ATP6V1C2: variants seen among roughly 807,000 people sequenced by gnomAD.
ATP6V1C2 encodes V-type proton ATPase subunit C 2.
In ATP6V1C2, 45 loss-of-function variants were observed where a neutral mutation model predicts 56.8. The ratio of observed to expected loss-of-function variants is 0.79; its 90% CI spans 0.62 to 1.02. The LOEUF (loss-of-function observed/expected upper bound fraction) is 1.02, where lower values mean the gene tolerates loss of function less well. Among genes scored for constraint, ATP6V1C2 ranks in the 50% least tolerant of loss-of-function variants. ATP6V1C2 has a pLI of 0.00. For synonymous variants in ATP6V1C2, 220 were observed against 201.3 expected, an observed-to-expected ratio of 1.09 and a Z score of -0.79; for missense variants, 463 against 519.7, an observed-to-expected ratio of 0.89 and a Z score of 1.06.
intron 3 of ATP6V1C2, among the ~76,000 whole-genome samples, chr2:10,732,359 A>G (rs553139537): frequency 1.2e-4 from 18 of 152,104 alleles, no homozygotes; most frequent in African/African-American, 4.3e-4. Flanking sequence ...CCCGGGTTCA[A>G]GTGATTCTCC....
At chr2:10,746,579 G>A (rs28688451) in intron 3 of ATP6V1C2, among the ~76,000 whole-genome samples, 2 of 151,760 alleles carry the variant, frequency 1.3e-5, no homozygotes, top group African/African-American at 2.4e-5. Flanking sequence ...CGCCAGGCTA[G>A]TTTCTGTATT....
rs752408003 is a variant in ATP6V1C2, at chr2:10,784,375, T to C, written c.*1112T>C. On this transcript the variant is annotated 3_prime_UTR_variant, in exon 14 of 14. Coordinates refer to ENST00000272238, the MANE Select transcript of ATP6V1C2 (RefSeq NM_001039362.2). ...GTTAGATCTGCAGAAGGGGACACCC[T>C]GGAAGGTCAACATCTCATTTTATGG... 1.9e-5 allele frequency: 28 copies of C among 1,469,172 alleles called. No individual in the cohort carries two copies. The South Asian group carries it at 3.1e-4, about 16-fold the overall frequency. The allele number at this position is 1,469,172 out of a possible 1,614,324, so 91.0% of individuals were successfully genotyped here.
chr2:10,765,366 C>T (rs1297412778), intron 5 of ATP6V1C2, among the ~76,000 whole-genome samples: 6 of 152,336 alleles, frequency 3.9e-5, no homozygotes, highest in Non-Finnish European at 4.4e-5. Context: ...CCTGGCCCTC[C>T]CTTCTGCCAC....
chr2:10,758,561 C>T (rs1363685226), intron 4 of ATP6V1C2, among the ~76,000 whole-genome samples: 1 of 152,124 alleles, frequency 6.6e-6, no homozygotes, highest in East Asian at 1.9e-4. Context: ...ATAGCCACCA[C>T]ACGCCAGCCT....
chr2:10,728,040 AAT>A (rs1661745037), intron 3 of ATP6V1C2, among the ~76,000 whole-genome samples: 11 of 152,298 alleles, frequency 7.2e-5, no homozygotes, highest in Admixed American at 5.9e-4. Flanking sequence ...TGCACAAATA[AAT>A]ATGTCTTAAA....
chr2:10,757,316 G>A (rs563602998), intron 4 of ATP6V1C2: 24 of 394,398 alleles, frequency 6.1e-5, no homozygotes, highest in Middle Eastern at 6.4e-4. Context: ...CCCGGCCAGA[G>A]GAGACTTTAT....
chr2:10,749,201 T>A (rs546074169), intron 3 of ATP6V1C2, among the ~76,000 whole-genome samples: 171 of 150,612 alleles, frequency 1.1e-3, no homozygotes, highest in Non-Finnish European at 1.6e-3. Flanking sequence ...ACAAATAAAA[T>A]TTTTTAAAAG....
At chr2:10,739,863 G>T (rs1662449715) in intron 3 of ATP6V1C2, among the ~76,000 whole-genome samples, 1 of 152,114 alleles carries the variant, frequency 6.6e-6, no homozygotes, top group Non-Finnish European at 1.5e-5. Flanking sequence ...AGTTTAGGAG[G>T]CCGAGGCGGG....
At chr2:10,782,829 C>CAAAAAAAAAAAAA (rs60533807) in intron 13 of ATP6V1C2, among the ~76,000 whole-genome samples, 1 of 52,224 alleles carries the variant, frequency 1.9e-5, no homozygotes, top group African/African-American at 6.3e-5. Context: ...GACTCTGTCT[C>CAAAAAAAAAAAAA]AAAAAAAAAA....
intron 3 of ATP6V1C2, among the ~76,000 whole-genome samples, chr2:10,744,737 C>T (rs191325787): frequency 2.8e-5 from 4 of 144,034 alleles, no homozygotes; most frequent in South Asian, 4.4e-4. Flanking sequence ...GGCGTGATCT[C>T]GGCTCACTGC....
intron 3 of ATP6V1C2, among the ~76,000 whole-genome samples, chr2:10,732,383 CA>C (rs1169968272): frequency 6.6e-6 from 1 of 152,006 alleles, no homozygotes; most frequent in African/African-American, 2.4e-5. Flanking sequence ...CTCAGCCTTC[CA>C]AATAGCTGGA....
At position 10,778,648 on chromosome 2, in the gene ATP6V1C2, T is replaced by C. The variant is rs551307013; in HGVS notation, c.1040T>C (p.Val347Ala). Residue 347 changes from valine (V) to alanine (A), a missense_variant, in exon 12 of 14, where the codon GTG becomes GCG. Val to Ala is a moderately conservative substitution (Grantham distance 64). Coordinates refer to ENST00000272238, the MANE Select transcript of ATP6V1C2 (RefSeq NM_001039362.2). ...TGGATCCACATCAAGGCCCTGAGAG[T>C]GTTTGTGGAGTCCGTGCTCAGGTGC... The part of the protein sequence containing the change: ...IAWIHIKALR[V>A]FVESVLRYGL... 6.2e-7 allele frequency: 1 copy of C among 1,613,966 alleles called. No homozygotes were observed. Among genetic ancestry groups the C allele is most frequent in the South Asian group, 1.1e-5 (1 of 91,068 alleles).
intron 3 of ATP6V1C2, among the ~76,000 whole-genome samples, chr2:10,734,697 A>G (rs1371485443): frequency 6.6e-6 from 1 of 152,160 alleles, no homozygotes; most frequent in African/African-American, 2.4e-5. Flanking sequence ...GTCTGGGTCC[A>G]TCTGCCCTGG....
chr2:10,778,975 C>A (rs912592444), intron 12 of ATP6V1C2, among the ~76,000 whole-genome samples: 2 of 152,200 alleles, frequency 1.3e-5, no homozygotes, highest in African/African-American at 4.8e-5. Context: ...CCTCGTGAAG[C>A]CCGCAGGGCC....
intron 2 of ATP6V1C2, 148 bp downstream of exon 2, chr2:10,723,126 G>C: frequency 1.1e-6 from 1 of 924,970 alleles, no homozygotes. Flanking sequence ...AGGATGGACG[G>C]GGAGGTGATG....
intron 3 of ATP6V1C2, among the ~76,000 whole-genome samples, chr2:10,743,116 G>C (rs1662658434): frequency 6.6e-6 from 1 of 152,086 alleles, no homozygotes; most frequent in Non-Finnish European, 1.5e-5. Context: ...GAATTACCAT[G>C]ATTGACTTTT....
rs1207206580 is a variant in ATP6V1C2 at position 10,722,888 on chromosome 2, G to A, written c.39G>A (p.Lys13=). The change falls in exon 2 of 14, where the codon AAG becomes AAA. Residue 13 remains lysine, a synonymous_variant. Coordinates refer to ENST00000272238, the MANE Select transcript of ATP6V1C2 (RefSeq NM_001039362.2). ...GGTTAATTTCTGCCCCTGGCGATAA[G>A]GAAAATTTGCAAGCTCTGGAGAGGA... ...EFWLISAPGD[K]ENLQALERMN... is the part of the protein sequence containing the mutation. 6.2e-7 allele frequency: 1 copy of A among 1,614,126 alleles called. No individual in the cohort carries two copies. The highest frequency in any genetic ancestry group is 2.2e-5 in the East Asian group (1 of 44,872).
chr2:10,754,130 C>T, intron 4 of ATP6V1C2, 64 bp downstream of exon 4: 4 of 1,399,844 alleles, frequency 2.9e-6, no homozygotes, highest in Admixed American at 2.0e-5. Flanking sequence ...CAGAGTCGTC[C>T]TTGCTGTGGC....
In ATP6V1C2 at chr2:10,723,631, G is replaced by A. The variant is rs572309579; in HGVS notation, c.129+653G>A. On this transcript the variant is annotated intron_variant, in intron 2 of 13. Coordinates refer to ENST00000272238, the MANE Select transcript of ATP6V1C2 (RefSeq NM_001039362.2). ...AGGTGGGTGGATCATGAGGTCAGGA[G>A]ATCGAGACCATCCTGGCTAACACGG... Among the ~76,000 whole-genome samples, 3 of 151,908 alleles carry A rather than the reference G, an allele frequency of 2.0e-5. No individual in the cohort carries two copies. In the East Asian group the frequency reaches 5.9e-4, roughly 30 times the overall value.
Sources: allele counts gnomAD v4.1 joint callset (sites outside exome capture counted in the v4.1 genomes callset), GRCh38; gene constraint gnomAD v4.1.1; transcripts MANE v1.5; gene names NCBI Gene and HGNC (gene_info 2026-07-23, HGNC 2026-07-21).